Variants in PTPRT observed in about 807,000 individuals in gnomAD.
PTPRT encodes the protein receptor-type tyrosine-protein phosphatase T.
A neutral mutation model predicts 176.8 loss-of-function variants in PTPRT; 56 were observed. The ratio of observed to expected loss-of-function variants is 0.32; its 90% CI spans 0.26 to 0.40. The LOEUF (loss-of-function observed/expected upper bound fraction) is 0.40, where lower values mean the gene tolerates loss of function less well. Ranked by LOEUF, PTPRT falls within the 10% of genes least tolerant of loss-of-function variation. PTPRT has a pLI of 1.00. For synonymous variants in PTPRT, 783 were observed against 739.0 expected, an observed-to-expected ratio of 1.06 and a Z score of -0.96; for missense variants, 1,540 against 1,908.2, an observed-to-expected ratio of 0.81 and a Z score of 3.60.
At chr20:42,129,692 A>G (rs2146366312) in intron 18 of PTPRT, among the ~76,000 whole-genome samples, 1 of 152,314 alleles carries the variant, frequency 6.6e-6, no homozygotes, top group South Asian at 2.1e-4. Context: ...TAGGGCAGGA[A>G]TGGGTCCCTA....
At chr20:42,628,423 G>C (rs893921262) in intron 7 of PTPRT, among the ~76,000 whole-genome samples, 5 of 152,076 alleles carry the variant, frequency 3.3e-5, no homozygotes, top group Non-Finnish European at 4.4e-5. Flanking sequence ...TATCCCTATA[G>C]CTAGGGAGAG....
chr20:43,176,563 T>C (rs2015127967), intron 1 of PTPRT, among the ~76,000 whole-genome samples: 2 of 152,216 alleles, frequency 1.3e-5, no homozygotes, highest in Non-Finnish European at 1.5e-5. Context: ...CAAAATGCCC[T>C]TTATCCACCA....
At chr20:42,196,119 T>C (rs1286637756) in intron 16 of PTPRT, among the ~76,000 whole-genome samples, 1 of 152,214 alleles carries the variant, frequency 6.6e-6, no homozygotes, top group African/African-American at 2.4e-5. Flanking sequence ...CATAATCATT[T>C]TGCTTTTAAG....
chr20:42,418,733 C>T (rs751694329), intron 9 of PTPRT, among the ~76,000 whole-genome samples: 22 of 152,036 alleles, frequency 1.4e-4, no homozygotes, highest in Non-Finnish European at 2.6e-4. Context: ...GGTATTCAGC[C>T]AGGACCATAG....
intron 7 of PTPRT, among the ~76,000 whole-genome samples, chr20:42,493,850 C>T (rs188407115): frequency 2.0e-5 from 3 of 152,008 alleles, no homozygotes; most frequent in Non-Finnish European, 2.9e-5. Flanking sequence ...TTTCTCTCCC[C>T]AAGCTGCTCA....
At chr20:42,473,509 T>C (rs935491235) in intron 7 of PTPRT, among the ~76,000 whole-genome samples, 4 of 152,166 alleles carry the variant, frequency 2.6e-5, no homozygotes, top group African/African-American at 7.2e-5. Flanking sequence ...GGAGTCTGAC[T>C]CTCTATCCTA....
intron 9 of PTPRT, among the ~76,000 whole-genome samples, chr20:42,412,095 A>G (rs899189817): frequency 7.9e-5 from 12 of 152,234 alleles, no homozygotes; most frequent in African/African-American, 2.9e-4. Flanking sequence ...CCTGCTCTTC[A>G]AAGGGCACTG....
intron 13 of PTPRT, among the ~76,000 whole-genome samples, chr20:42,262,678 A>G (rs145335607): frequency 1.0e-3 from 156 of 152,306 alleles, no homozygotes; most frequent in African/African-American, 3.5e-3. Flanking sequence ...TGCTCCATCA[A>G]TGTCAGTCAT....
chr20:42,310,359 G>A (rs571361896), intron 12 of PTPRT, among the ~76,000 whole-genome samples: 116 of 152,254 alleles, frequency 7.6e-4, no homozygotes, highest in African/African-American at 2.6e-3. Context: ...TTATCAATGA[G>A]AAATAACTTG....
In PTPRT at chr20:42,993,275, G is replaced by A. The variant is rs549878180; in HGVS notation, c.89-107343C>T. Among the ~76,000 whole-genome samples, 173 of 150,876 alleles carry A rather than the reference G, an allele frequency of 1.1e-3. 1 individual carries two copies. The highest frequency in any genetic ancestry group is 6.8e-3 in the Middle Eastern group (2 of 294). ...CTACTAAAAATACAAAAAATTAGCC[G>A]GGCGTGGTGGCGGGTGCATGTAGTC... On this transcript the variant is annotated intron_variant, in intron 1 of 30. Transcript: ENST00000373187.
At chr20:42,541,305 TG>T (rs2072574780) in intron 7 of PTPRT, among the ~76,000 whole-genome samples, 1 of 151,772 alleles carries the variant, frequency 6.6e-6, no homozygotes, top group South Asian at 2.1e-4. Context: ...AGGTGGGTGT[TG>T]GGGGTAGATT....
At chr20:42,259,768 G>C (rs2146958921) in intron 13 of PTPRT, among the ~76,000 whole-genome samples, 1 of 152,358 alleles carries the variant, frequency 6.6e-6, no homozygotes, top group Middle Eastern at 3.4e-3. Flanking sequence ...TGTTATGGCA[G>C]TCAGTCTGCA....
At chr20:42,043,421 C>A in the PTPRT span, among the ~76,000 whole-genome samples, 1 of 152,296 alleles carries the variant, frequency 6.6e-6, no homozygotes, top group African/African-American at 2.4e-5. Context: ...ATGTGAGACA[C>A]GCAATCATTT....
At chr20:42,372,628 A>G (rs1379649578) in intron 9 of PTPRT, among the ~76,000 whole-genome samples, 1 of 152,086 alleles carries the variant, frequency 6.6e-6, no homozygotes. Context: ...TTCAATTTAG[A>G]GGATATTTGC....
At chr20:42,265,526 A>G (rs563490441) in intron 13 of PTPRT, among the ~76,000 whole-genome samples, 72 of 152,220 alleles carry the variant, frequency 4.7e-4, no homozygotes, top group Non-Finnish European at 8.2e-4. Context: ...GACATTCCCA[A>G]TGCTTTGTCC....
In PTPRT at chr20:42,178,852, G is replaced by A. The variant is rs147276976; in HGVS notation, c.2492-17310C>T. On this transcript the variant is annotated intron_variant, in intron 16 of 30. Coordinates refer to ENST00000373187, the MANE Select transcript of PTPRT (RefSeq NM_007050.6). ...TGGCTGTTGGCTGGGCATCTCCCTC[G>A]ATTTCTTGCCAATAGGTCAACTTAC... Among the ~76,000 whole-genome samples, 15 of 152,216 alleles carry A rather than the reference G, an allele frequency of 9.9e-5. No individual in the cohort carries two copies. In the East Asian group the frequency reaches 2.5e-3, roughly 25 times the overall value.
intron 17 of PTPRT, 145 bp downstream of exon 17, chr20:42,161,206 TG>T: frequency 1.2e-6 from 1 of 825,006 alleles, no homozygotes; most frequent in South Asian, 1.7e-5. Context: ...TAGGGAGGGA[TG>T]GGGCCTGAGA....
chr20:42,486,085 C>A (rs2071459645), intron 7 of PTPRT, among the ~76,000 whole-genome samples: 1 of 152,150 alleles, frequency 6.6e-6, no homozygotes, highest in African/African-American at 2.4e-5. Context: ...TTGCGAAGTA[C>A]CTGCTGGCCT....
intron 1 of PTPRT, among the ~76,000 whole-genome samples, chr20:43,159,176 T>C (rs1332732241): frequency 6.6e-6 from 1 of 152,136 alleles, no homozygotes; most frequent in Non-Finnish European, 1.5e-5. Context: ...TGACATCCAG[T>C]GTAGAGTACA....
Sources: gnomAD v4.1 joint callset for allele counts (sites outside exome capture counted in the v4.1 genomes callset) on GRCh38, gnomAD v4.1.1 for gene constraint, MANE v1.5 for transcripts, NCBI Gene and HGNC (gene_info 2026-07-23, HGNC 2026-07-21) for gene names.